Variants in ANOS1 observed in about 807,000 individuals in gnomAD.
The protein encoded by ANOS1 is anosmin-1.
ANOS1 carries 6 observed loss-of-function variants against 59.0 expected under a neutral mutation model. The ratio of observed to expected loss-of-function variants is 0.10; its 90% CI spans 0.06 to 0.20. The LOEUF (loss-of-function observed/expected upper bound fraction) is 0.20. Among genes scored for constraint, ANOS1 ranks in the 10% least tolerant of loss-of-function variants. The pLI is 1.00. For missense variants in ANOS1, 433 were observed against 542.3 expected (o/e 0.80, Z 2.00); for synonymous variants, 217 against 223.4 (o/e 0.97, Z 0.25).
intron 2 of ANOS1, among the ~76,000 whole-genome samples, chrX:8,676,941 T>C (rs1932345710): frequency 9.0e-6 from 1 of 111,533 alleles, no homozygotes; most frequent in African/African-American, 3.3e-5. Context: ...TTCAAAGAAA[T>C]GTATTTTCAT....
intron 3 of ANOS1, among the ~76,000 whole-genome samples, chrX:8,599,137 G>A (rs1462446633): frequency 8.9e-6 from 1 of 111,846 alleles, no homozygotes; most frequent in Non-Finnish European, 1.9e-5. Context: ...AAGTACACAC[G>A]TGTTTGAACT....
At chrX:8,680,439 A>G (rs1932407448) in intron 2 of ANOS1, among the ~76,000 whole-genome samples, 1 of 111,672 alleles carries the variant, frequency 9.0e-6, no homozygotes, top group Admixed American at 9.5e-5. Context: ...TCTTCAACAT[A>G]TTTCAATGAT....
chrX:8,685,198 G>A (rs1474077969), intron 2 of ANOS1, among the ~76,000 whole-genome samples: 2 of 111,133 alleles, frequency 1.8e-5, no homozygotes, highest in Non-Finnish European at 1.9e-5. Flanking sequence ...TAAACCCTGC[G>A]TTTTCTTCAA....
chrX:8,722,578 C>T (rs868445901), intron 1 of ANOS1, among the ~76,000 whole-genome samples: 1,670 of 106,411 alleles, frequency 0.016, 16 homozygotes, highest in Non-Finnish European at 0.023. Context: ...TGTGTGTACA[C>T]ACACACACAC....
At chrX:8,560,099 T>A (rs1157922757) in intron 8 of ANOS1, among the ~76,000 whole-genome samples, 1 of 112,120 alleles carries the variant, frequency 8.9e-6, no homozygotes, top group Non-Finnish European at 1.9e-5. Flanking sequence ...TCCTTTAACA[T>A]GAGATTCAAA....
intron 3 of ANOS1, among the ~76,000 whole-genome samples, chrX:8,607,444 A>G (rs1052581370): frequency 8.9e-5 from 10 of 111,976 alleles, no homozygotes; most frequent in South Asian, 7.4e-4. Flanking sequence ...TTTCAATTAC[A>G]GTAATCTTTA....
At chrX:8,612,519 C>T (rs1260760929) in intron 3 of ANOS1, among the ~76,000 whole-genome samples, 2 of 77,550 alleles carry the variant, frequency 2.6e-5, no homozygotes, top group Non-Finnish European at 5.0e-5. Flanking sequence ...TAGGAAATGA[C>T]AAAAAAATAA....
At chrX:8,600,339 C>A (rs933790739) in intron 3 of ANOS1, among the ~76,000 whole-genome samples, 1 of 112,034 alleles carries the variant, frequency 8.9e-6, no homozygotes, top group African/African-American at 3.2e-5. Flanking sequence ...CAATTAAATG[C>A]CTGTTCTTTT....
At chrX:8,577,034 T>C (rs769237560) in intron 6 of ANOS1, among the ~76,000 whole-genome samples, 190 of 111,442 alleles carry the variant, frequency 1.7e-3, no homozygotes, top group African/African-American at 6.0e-3. Context: ...CAAATGAGTG[T>C]GGCTATGTTC....
At chrX:8,715,240 T>C (rs1932835247) in intron 1 of ANOS1, among the ~76,000 whole-genome samples, 2 of 111,386 alleles carry the variant, frequency 1.8e-5, no homozygotes, top group Non-Finnish European at 1.9e-5. Flanking sequence ...TACTTAATCT[T>C]ATCCTATGCA....
In ANOS1 at chrX:8,560,669, T is replaced by C. The variant is rs764494633; in HGVS notation, c.1208-6571A>G. 5.3e-5 allele frequency among the ~76,000 whole-genome samples: 6 copies of C among 112,467 alleles called. No individual in the cohort carries two copies. In the South Asian group the frequency reaches 1.9e-3, roughly 35 times the overall value. On this transcript the variant is annotated intron_variant, in intron 8 of 13. Coordinates refer to ENST00000262648, the MANE Select transcript of ANOS1 (RefSeq NM_000216.4). ...CGAAAAAACCAGCGCTCAAAAATAC[T>C]AAGAATTGTATCCAGTTTCACATAA...
At chrX:8,597,302 G>C in intron 3 of ANOS1, 46 bp from the exon 4 acceptor site, 2 of 1,062,922 alleles carry the variant, frequency 1.9e-6, no homozygotes, top group Middle Eastern at 2.6e-4. Flanking sequence ...AAAGACACAT[G>C]AAGTCTGATT....
At chrX:8,685,639 AGAAAGAAAGAAAGAAAGAAAAAGAAAGG>A (rs1932507125) in intron 2 of ANOS1, among the ~76,000 whole-genome samples, 1 of 104,938 alleles carries the variant, frequency 9.5e-6, no homozygotes, top group African/African-American at 3.6e-5. Flanking sequence ...AAAGAAAGAA[AGAAAGAAAGAAAGAAAGAAAAAGAAAGG>A]AAGGAAGGAG....
chrX:8,640,623 C>T (rs1406805588), intron 2 of ANOS1, among the ~76,000 whole-genome samples: 3 of 106,981 alleles, frequency 2.8e-5, no homozygotes, highest in African/African-American at 1.0e-4. Context: ...GGAAAGGTCG[C>T]ATTTCTTGTT....
chrX:8,693,113 T>C (rs1355721621), intron 2 of ANOS1, among the ~76,000 whole-genome samples: 1 of 112,501 alleles, frequency 8.9e-6, no homozygotes, highest in Non-Finnish European at 1.9e-5. Context: ...CTCCAAATCA[T>C]TCCTAAGTGG....
intron 8 of ANOS1, among the ~76,000 whole-genome samples, chrX:8,562,004 G>A (rs1930040511): frequency 9.0e-6 from 1 of 110,649 alleles, no homozygotes; most frequent in South Asian, 3.8e-4. Flanking sequence ...GCACTGGCAT[G>A]ATCTCGGCTC....
At chrX:8,724,883 A>G (rs1341845045) in intron 1 of ANOS1, among the ~76,000 whole-genome samples, 1 of 112,112 alleles carries the variant, frequency 8.9e-6, no homozygotes, top group Non-Finnish European at 1.9e-5. Flanking sequence ...AAAGCTTGAA[A>G]GAGTTATGGC....
At chrX:8,633,324 T>A (rs771198525) in intron 2 of ANOS1, among the ~76,000 whole-genome samples, 20 of 111,515 alleles carry the variant, frequency 1.8e-4, no homozygotes, top group Non-Finnish European at 1.9e-4. Context: ...GTCCTTGGAG[T>A]TTCGGGGGAA....
chrX:8,644,174 C>T (rs1211647558), intron 2 of ANOS1, among the ~76,000 whole-genome samples: 3 of 111,546 alleles, frequency 2.7e-5, no homozygotes, highest in Admixed American at 9.6e-5. Flanking sequence ...TTTAGCTTGA[C>T]GAAAATACCG....
Sources: gnomAD v4.1 joint callset for allele counts (sites outside exome capture counted in the v4.1 genomes callset) on GRCh38, gnomAD v4.1.1 for gene constraint, MANE v1.5 for transcripts, NCBI Gene and HGNC (gene_info 2026-07-23, HGNC 2026-07-21) for gene names.